KLHL32: variants seen among roughly 807,000 people sequenced by gnomAD.
KLHL32 encodes kelch like family member 32.
Under a neutral mutation model 64.8 loss-of-function variants are expected in KLHL32, and 35 were observed. The observed-to-expected ratio is 0.54, with a 90% CI of 0.41 to 0.72. KLHL32 has a LOEUF of 0.72. Ranked by LOEUF, KLHL32 falls within the 30% of genes least tolerant of loss-of-function variation. The pLI is 0.00. For missense variants in KLHL32, 589 were observed against 768.5 expected (o/e 0.77, Z 2.76); for synonymous variants, 259 against 281.0 (o/e 0.92, Z 0.78).
At chr6:97,057,407 C>T (rs1398925334) in intron 4 of KLHL32, among the ~76,000 whole-genome samples, 1 of 91,130 alleles carries the variant, frequency 1.1e-5, no homozygotes, top group Admixed American at 1.4e-4. Flanking sequence ...TGGTCTCGAT[C>T]TCCTGACCTC....
chr6:97,079,209 G>T (rs916239867), intron 5 of KLHL32, among the ~76,000 whole-genome samples: 3 of 152,116 alleles, frequency 2.0e-5, no homozygotes, highest in African/African-American at 4.8e-5. Flanking sequence ...TTTATTAGTA[G>T]TTCCTGCATA....
chr6:96,924,666 A>G (rs919656239), upstream of KLHL32: 1 of 152,030 alleles, frequency 6.6e-6, no homozygotes, highest in African/African-American at 2.4e-5. Context: ...CTCCAGTCTG[A>G]CGCGACCGCC....
intron 6 of KLHL32, among the ~76,000 whole-genome samples, chr6:97,113,226 A>T (rs1181884947): frequency 6.6e-6 from 1 of 151,988 alleles, no homozygotes; most frequent in East Asian, 1.9e-4. Context: ...TACTAAAGGG[A>T]TGTGGGGTGG....
rs977114355 is a variant in KLHL32 at position 96,938,487 on chromosome 6, C to G, written c.-66+13461C>G. On this transcript the variant is annotated intron_variant, in intron 1 of 10. Coordinates refer to ENST00000369261, the MANE Select transcript of KLHL32 (RefSeq NM_052904.4). Reference sequence around the variant, plus strand: ...AGATACCTCATCAGCATTCTCTGTGCTGCTGTTGCTGCTTCTGACTGCTCT... The same window carrying G: ...AGATACCTCATCAGCATTCTCTGTGGTGCTGTTGCTGCTTCTGACTGCTCT... 2.0e-5 allele frequency among the ~76,000 whole-genome samples: 3 copies of G among 152,182 alleles called. No homozygotes were observed. In the East Asian group the frequency reaches 5.8e-4, roughly 29 times the overall value.
intron 6 of KLHL32, among the ~76,000 whole-genome samples, chr6:97,105,775 A>T (rs1044393703): frequency 6.6e-6 from 1 of 151,736 alleles, no homozygotes; most frequent in Non-Finnish European, 1.5e-5. Flanking sequence ...CAAAAAAAAA[A>T]TACTTGTTAC....
chr6:97,013,935 A>T (rs543575577), intron 3 of KLHL32, among the ~76,000 whole-genome samples: 2 of 152,314 alleles, frequency 1.3e-5, no homozygotes, highest in African/African-American at 4.8e-5. Flanking sequence ...TGAAAAATTA[A>T]CATAAGTGCA....
chr6:97,044,580 ATTCTTTC>A (rs1231364483), intron 4 of KLHL32, among the ~76,000 whole-genome samples: 31 of 152,154 alleles, frequency 2.0e-4, no homozygotes. Flanking sequence ...AGAGATTGAT[ATTCTTTC>A]TTCTTTAAAT....
At chr6:97,107,065 G>GGC (rs1796507210) in intron 6 of KLHL32, among the ~76,000 whole-genome samples, 1 of 152,144 alleles carries the variant, frequency 6.6e-6, no homozygotes, top group African/African-American at 2.4e-5. Flanking sequence ...GGCGAAGGCG[G>GGC]GCGGATCACG....
intron 6 of KLHL32, among the ~76,000 whole-genome samples, chr6:97,091,773 A>G (rs2128186342): frequency 6.6e-6 from 1 of 152,260 alleles, no homozygotes; most frequent in East Asian, 1.9e-4. Flanking sequence ...AGCTTCGCAA[A>G]CCTTTGTCAA....
intron 10 of KLHL32, among the ~76,000 whole-genome samples, chr6:97,136,154 A>ATAGT (rs1799983130): frequency 6.6e-6 from 1 of 152,218 alleles, no homozygotes; most frequent in African/African-American, 2.4e-5. Flanking sequence ...TCATACTTAA[A>ATAGT]TAGTTCTGAG....
intron 3 of KLHL32, among the ~76,000 whole-genome samples, chr6:97,004,655 C>A (rs1030098304): frequency 1.3e-5 from 2 of 151,936 alleles, no homozygotes; most frequent in Non-Finnish European, 2.9e-5. Context: ...TCCTTCAGTG[C>A]CTAGTTTATT....
At chr6:97,075,227 A>G (rs1269280020) in intron 5 of KLHL32, among the ~76,000 whole-genome samples, 1 of 152,156 alleles carries the variant, frequency 6.6e-6, no homozygotes, top group African/African-American at 2.4e-5. Context: ...TTTTCCTTGT[A>G]CTTTTGAATT....
At chr6:97,121,653 T>A (rs1049350010) in intron 7 of KLHL32, among the ~76,000 whole-genome samples, 7 of 152,174 alleles carry the variant, frequency 4.6e-5, no homozygotes, top group African/African-American at 7.2e-5. Context: ...TTGTTTTTTT[T>A]AATGTCCAAA....
intron 4 of KLHL32, among the ~76,000 whole-genome samples, chr6:97,043,975 T>C (rs1355861148): frequency 3.9e-5 from 6 of 152,022 alleles, no homozygotes; most frequent in Admixed American, 2.6e-4. Context: ...GAGTTCTCAG[T>C]TGTATTTTTT....
chr6:97,020,192 C>T (rs952351910), intron 3 of KLHL32, among the ~76,000 whole-genome samples: 1 of 146,892 alleles, frequency 6.8e-6, no homozygotes, highest in Non-Finnish European at 1.5e-5. Flanking sequence ...CCACCCGCTT[C>T]GGCCTCCCAA....
At chr6:96,954,617 GA>G (rs1384125916) in intron 1 of KLHL32, among the ~76,000 whole-genome samples, 1 of 152,156 alleles carries the variant, frequency 6.6e-6, no homozygotes, top group Non-Finnish European at 1.5e-5. Flanking sequence ...AATGGAACAT[GA>G]AAGCTTAGGG....
intron 1 of KLHL32, among the ~76,000 whole-genome samples, chr6:96,944,387 C>T (rs1409663453): frequency 3.3e-5 from 5 of 152,146 alleles, no homozygotes; most frequent in Non-Finnish European, 7.4e-5. Flanking sequence ...TTTTAAGTTT[C>T]TTTACAATAG....
chr6:97,085,446 CA>C, intron 6 of KLHL32, 105 bp downstream of exon 6: 1 of 958,938 alleles, frequency 1.0e-6, no homozygotes, highest in Non-Finnish European at 1.6e-6. Context: ...CTTTGGTCCT[CA>C]TGGAGTTGTT....
chr6:97,064,639 G>C lies in KLHL32; in HGVS notation c.324G>C (p.Glu108Asp). The C allele has an allele frequency of 6.2e-7, 1 of 1,614,008 alleles. No homozygotes were observed. The highest frequency in any genetic ancestry group is 2.2e-5 in the East Asian group (1 of 44,886). ...EFAYTGQILL[E>D]PGVIQDVLAA... is the part of the protein sequence containing the mutation. Reference sequence around the variant, plus strand: ...AACAAACAAAACAGATTTTGCTGGAGCCAGGTGTGATCCAGGATGTGCTAG... The same window carrying C: ...AACAAACAAAACAGATTTTGCTGGACCCAGGTGTGATCCAGGATGTGCTAG... The change falls in exon 5 of 11, where the codon GAG (glutamate) becomes GAC (aspartate). Residue 108 changes from glutamate to aspartate, a missense_variant. Physicochemically the swap from Glu to Asp is conservative, Grantham distance 45. This residue lies in a region of KLHL32 where 191 missense variants were observed against 223.3 expected (regional missense o/e 0.86). Coordinates refer to ENST00000369261, the MANE Select transcript of KLHL32 (RefSeq NM_052904.4).
Sources: gnomAD v4.1 joint callset for allele counts (sites outside exome capture counted in the v4.1 genomes callset) on GRCh38, gnomAD v4.1.1 for gene constraint, gnomAD v4.1.1 regional missense constraint, MANE v1.5 for transcripts, NCBI Gene and HGNC (gene_info 2026-07-23, HGNC 2026-07-21) for gene names.